TAFA1: variants seen among roughly 807,000 people sequenced by gnomAD.
The protein encoded by TAFA1 is chemokine-like protein TAFA-1.
Under a neutral mutation model 18.5 loss-of-function variants are expected in TAFA1, and 4 were observed. The ratio of observed to expected loss-of-function variants is 0.22; its 90% CI spans 0.11 to 0.49. The LOEUF is 0.49. Ranked by LOEUF, TAFA1 falls within the 20% of genes least tolerant of loss-of-function variation. The probability of loss-of-function intolerance (pLI) is 0.98; values close to 1 mark genes in which losing one functional copy is unlikely to be tolerated. For synonymous variants in TAFA1, 56 were observed against 55.2 expected (o/e 1.01, Z -0.06); for missense variants, 147 against 169.0 (o/e 0.87, Z 0.72).
chr3:68,154,139 G>C (rs1027918983), intron 2 of TAFA1, among the ~76,000 whole-genome samples: 2 of 152,100 alleles, frequency 1.3e-5, no homozygotes, highest in African/African-American at 4.8e-5. Context: ...AGGGATCCTG[G>C]ATCTGTCCAT....
intron 2 of TAFA1, among the ~76,000 whole-genome samples, chr3:68,104,366 A>G (rs1312343111): frequency 6.6e-6 from 1 of 152,076 alleles, no homozygotes; most frequent in Non-Finnish European, 1.5e-5. Context: ...TGTGGAAAAT[A>G]TATGTAAAAA....
At chr3:68,476,294 G>C (rs1377431349) in intron 3 of TAFA1, among the ~76,000 whole-genome samples, 5 of 152,182 alleles carry the variant, frequency 3.3e-5, no homozygotes, top group Admixed American at 3.3e-4. Context: ...ACCTTAAGCT[G>C]TTAAGTTTGA....
At chr3:68,070,245 G>A (rs937200296) in intron 2 of TAFA1, among the ~76,000 whole-genome samples, 1 of 152,330 alleles carries the variant, frequency 6.6e-6, no homozygotes, top group Non-Finnish European at 1.5e-5. Flanking sequence ...CCAAACCTCA[G>A]TTCTTGATGT....
At chr3:68,381,611 C>T (rs1043636681) in intron 2 of TAFA1, among the ~76,000 whole-genome samples, 1 of 152,132 alleles carries the variant, frequency 6.6e-6, no homozygotes, top group Non-Finnish European at 1.5e-5. Flanking sequence ...GATTTTTGTA[C>T]ATTGATTTTG....
chr3:68,418,941 C>T (rs569269919), intron 3 of TAFA1, among the ~76,000 whole-genome samples: 11 of 152,096 alleles, frequency 7.2e-5, no homozygotes, highest in Admixed American at 2.6e-4. Flanking sequence ...ATTAAACTTA[C>T]GAGGTTCTGG....
intron 3 of TAFA1, among the ~76,000 whole-genome samples, chr3:68,479,771 G>A (rs1380506136): frequency 6.6e-6 from 1 of 152,028 alleles, no homozygotes; most frequent in Non-Finnish European, 1.5e-5. Flanking sequence ...CTAAGAAGAG[G>A]GGAGGCATAA....
intron 2 of TAFA1, among the ~76,000 whole-genome samples, chr3:68,030,796 G>A (rs1704918194): frequency 6.6e-6 from 1 of 152,076 alleles, no homozygotes; most frequent in Non-Finnish European, 1.5e-5. Context: ...GGAATTTTAA[G>A]CCATCTGTCT....
At chr3:68,326,925 T>G (rs1031301097) in intron 2 of TAFA1, among the ~76,000 whole-genome samples, 4 of 152,188 alleles carry the variant, frequency 2.6e-5, no homozygotes, top group African/African-American at 9.7e-5. Flanking sequence ...ATTGCTGAAA[T>G]GGTTTGGCTG....
At chr3:68,386,647 A>G (rs1355125939) in intron 2 of TAFA1, among the ~76,000 whole-genome samples, 1 of 152,130 alleles carries the variant, frequency 6.6e-6, no homozygotes. Flanking sequence ...GCCTTCACCA[A>G]GAATGCTGGC....
At chr3:68,101,304 A>C (rs908295382) in intron 2 of TAFA1, among the ~76,000 whole-genome samples, 2 of 150,944 alleles carry the variant, frequency 1.3e-5, no homozygotes, top group South Asian at 2.1e-4. Context: ...TATTTTTAAA[A>C]TTTTATTATT....
At chr3:68,159,146 G>T (rs2065897693) in intron 2 of TAFA1, among the ~76,000 whole-genome samples, 1 of 152,222 alleles carries the variant, frequency 6.6e-6, no homozygotes, top group Non-Finnish European at 1.5e-5. Context: ...AAAGCCATGT[G>T]ACTTGAAAGA....
intron 2 of TAFA1, among the ~76,000 whole-genome samples, chr3:68,011,441 G>C (rs1030172820): frequency 2.0e-5 from 3 of 152,000 alleles, no homozygotes; most frequent in Non-Finnish European, 2.9e-5. Context: ...TTTTTGCCTT[G>C]ATTATTACAT....
chr3:68,461,865 A>G (rs1476804404), intron 3 of TAFA1, among the ~76,000 whole-genome samples: 2 of 151,986 alleles, frequency 1.3e-5, no homozygotes, highest in Non-Finnish European at 2.9e-5. Flanking sequence ...GTTAATATAT[A>G]ATGGGTTAAA....
rs10713944 is a variant in TAFA1, at chr3:68,281,467, C to CTTT, written c.119-135795_119-135793dup. 5.0e-3 allele frequency among the ~76,000 whole-genome samples: 562 copies of CTTT among 111,730 alleles called. 9 individuals carry two copies. The highest frequency in any genetic ancestry group is 0.018 in the African/African-American group (539 of 29,862). The allele number at this position is 111,730 out of a possible 152,430, so 73.3% of individuals were successfully genotyped here. ...GCTGGGCACCAGTTTCCACATTAAC[C>CTTT]TTTTTTTTTTTTTTTTTTTTGAGAT... On this transcript the variant is annotated intron_variant, in intron 2 of 4. Coordinates refer to ENST00000478136, the MANE Select transcript of TAFA1 (RefSeq NM_213609.4).
chr3:68,460,562 T>C (rs1024368204), intron 3 of TAFA1, among the ~76,000 whole-genome samples: 1 of 152,224 alleles, frequency 6.6e-6, no homozygotes, highest in Non-Finnish European at 1.5e-5. Flanking sequence ...AAGATCTCTA[T>C]GAGCACATCC....
At chr3:68,080,764 C>T (rs971371464) in intron 2 of TAFA1, among the ~76,000 whole-genome samples, 2 of 152,154 alleles carry the variant, frequency 1.3e-5, no homozygotes, top group Non-Finnish European at 2.9e-5. Flanking sequence ...TTCATTTCAA[C>T]TTTGGTGAAT....
At chr3:68,322,806 G>A (rs2068715480) in intron 2 of TAFA1, among the ~76,000 whole-genome samples, 1 of 152,118 alleles carries the variant, frequency 6.6e-6, no homozygotes, top group Non-Finnish European at 1.5e-5. Context: ...AGCTGGGCAT[G>A]GTGGTGCATG....
intron 2 of TAFA1, among the ~76,000 whole-genome samples, chr3:68,161,140 C>CA (rs1407421172): frequency 6.6e-6 from 1 of 152,160 alleles, no homozygotes; most frequent in Non-Finnish European, 1.5e-5. Flanking sequence ...TAGGAAGCTA[C>CA]AAAAACAATG....
intron 3 of TAFA1, among the ~76,000 whole-genome samples, chr3:68,439,006 G>A (rs760367012): frequency 5.9e-5 from 9 of 152,060 alleles, no homozygotes; most frequent in African/African-American, 1.9e-4. Context: ...GGGAGCAGCA[G>A]CCTCAAAGAT....
Sources: allele counts gnomAD v4.1 joint callset (sites outside exome capture counted in the v4.1 genomes callset), GRCh38; gene constraint gnomAD v4.1.1; transcripts MANE v1.5; gene names NCBI Gene and HGNC (gene_info 2026-07-23, HGNC 2026-07-21).